RBMS3: variants seen among roughly 807,000 people sequenced by gnomAD.
RBMS3 encodes the protein RNA binding motif single stranded interacting protein 3.
In RBMS3, 27 loss-of-function variants were observed where a neutral mutation model predicts 66.8. The ratio of observed to expected loss-of-function variants is 0.40; its 90% confidence interval spans 0.30 to 0.56. RBMS3 has a LOEUF of 0.56. Ranked by LOEUF, RBMS3 falls within the 20% of genes least tolerant of loss-of-function variation. The probability of loss-of-function intolerance (pLI) is 0.40; values close to 1 mark genes in which losing one functional copy is unlikely to be tolerated. For missense variants in RBMS3, 513 were observed against 549.5 expected, an observed-to-expected ratio of 0.93 and a Z score of 0.66; for synonymous variants, 188 against 183.0, an observed-to-expected ratio of 1.03 and a Z score of -0.22.
chr3:29,573,255 G>GT (rs2047003191), intron 3 of RBMS3, among the ~76,000 whole-genome samples: 1 of 152,106 alleles, frequency 6.6e-6, no homozygotes, highest in African/African-American at 2.4e-5. Context: ...CGACTAGCTG[G>GT]GATTACAGGT....
At chr3:29,570,632 C>A (rs2046919737) in intron 3 of RBMS3, among the ~76,000 whole-genome samples, 1 of 152,108 alleles carries the variant, frequency 6.6e-6, no homozygotes, top group Admixed American at 6.6e-5. Context: ...CAGTTTCATC[C>A]ATGTTGTTGC....
At chr3:29,837,361 A>T (rs372188157) in intron 6 of RBMS3, among the ~76,000 whole-genome samples, 1 of 151,826 alleles carries the variant, frequency 6.6e-6, no homozygotes, top group Admixed American at 6.6e-5. Flanking sequence ...CCTGGGATTG[A>T]TATTTAATTT....
chr3:29,755,962 C>T (rs2149372967), intron 5 of RBMS3, among the ~76,000 whole-genome samples: 1 of 152,248 alleles, frequency 6.6e-6, no homozygotes, highest in Middle Eastern at 3.4e-3. Flanking sequence ...TTTTTCTTTT[C>T]TCCTAACTAT....
chr3:29,992,272 T>A (rs1698929624), intron 14 of RBMS3, among the ~76,000 whole-genome samples: 2 of 152,056 alleles, frequency 1.3e-5, no homozygotes, highest in South Asian at 4.1e-4. Context: ...CAAAAGTAAT[T>A]GCGGTTTTTG....
At chr3:29,369,490 AC>A (rs2038080658) in intron 1 of RBMS3, among the ~76,000 whole-genome samples, 5 of 12,502 alleles carry the variant, frequency 4.0e-4, no homozygotes, top group Middle Eastern at 0.071. Flanking sequence ...ACTCCTTAAC[AC>A]ACACACACAC....
chr3:29,584,251 A>T (rs1189298328), intron 3 of RBMS3, among the ~76,000 whole-genome samples: 1 of 152,060 alleles, frequency 6.6e-6, no homozygotes, highest in Non-Finnish European at 1.5e-5. Context: ...GATTTGAGAC[A>T]TCTGATTCCC....
At chr3:29,979,232 C>T (rs1697810116) in intron 12 of RBMS3, among the ~76,000 whole-genome samples, 1 of 152,130 alleles carries the variant, frequency 6.6e-6, no homozygotes, top group Non-Finnish European at 1.5e-5. Flanking sequence ...TATATTTCTC[C>T]ATCTGTAAAA....
At chr3:29,547,016 C>T (rs1374942426) in intron 3 of RBMS3, among the ~76,000 whole-genome samples, 1 of 152,138 alleles carries the variant, frequency 6.6e-6, no homozygotes, top group South Asian at 2.1e-4. Flanking sequence ...CCACTGGTCA[C>T]CCAGGCTGGA....
intron 6 of RBMS3, among the ~76,000 whole-genome samples, chr3:29,829,107 C>T (rs559608046): frequency 2.0e-5 from 3 of 151,756 alleles, no homozygotes; most frequent in Non-Finnish European, 4.4e-5. Flanking sequence ...TATAATGGCA[C>T]GATCTTGGCT....
At chr3:29,426,199 G>T (rs777548332) in intron 1 of RBMS3, among the ~76,000 whole-genome samples, 35 of 152,254 alleles carry the variant, frequency 2.3e-4, no homozygotes, top group Non-Finnish European at 4.6e-4. Flanking sequence ...TGTATTTAAA[G>T]AGATAAAAAA....
At chr3:29,864,628 G>T (rs2059299155) in intron 6 of RBMS3, among the ~76,000 whole-genome samples, 1 of 152,138 alleles carries the variant, frequency 6.6e-6, no homozygotes, top group Admixed American at 6.6e-5. Flanking sequence ...GGGTTTCACA[G>T]TTGGGAACTG....
At chr3:29,461,867 C>T (rs1308271146) in intron 2 of RBMS3, among the ~76,000 whole-genome samples, 1 of 151,494 alleles carries the variant, frequency 6.6e-6, no homozygotes, top group Non-Finnish European at 1.5e-5. Context: ...CATTCTCCTG[C>T]CTCAGCCTCC....
At chr3:29,374,070 A>T (rs2038343391) in intron 1 of RBMS3, among the ~76,000 whole-genome samples, 1 of 152,194 alleles carries the variant, frequency 6.6e-6, no homozygotes, top group Non-Finnish European at 1.5e-5. Context: ...GTGGGACAGC[A>T]ATGGGCTTGC....
At position 30,006,168 on chromosome 3, in the gene RBMS3, G is replaced by A. The variant is rs983966766; in HGVS notation, c.*2306G>A. The A allele has an allele frequency of 6.6e-6, 1 of 151,894 alleles. No individual in the cohort carries two copies. Among genetic ancestry groups the A allele is most frequent in the Non-Finnish European group, 1.5e-5 (1 of 67,828 alleles). 9.4% of individuals were successfully genotyped at this position (151,894 alleles called of 1,614,324 possible). The stretch of plus-strand genomic sequence containing the variant: ...AGGAGCCTGTCTTAGTCCAAAAGAA[G>A]CAGGGAAATGTATTTAAGTGTACTA... On this transcript the variant is annotated 3_prime_UTR_variant, in exon 15 of 15. Coordinates refer to ENST00000383767, the MANE Select transcript of RBMS3 (RefSeq NM_001003793.3).
intron 12 of RBMS3, among the ~76,000 whole-genome samples, chr3:29,984,414 C>T (rs557454855): frequency 3.9e-5 from 6 of 152,042 alleles, no homozygotes; most frequent in African/African-American, 1.4e-4. Context: ...CCACTTCTGT[C>T]AATTCATCAA....
intron 2 of RBMS3, among the ~76,000 whole-genome samples, chr3:29,477,035 T>G (rs2042970824): frequency 3.9e-5 from 6 of 152,210 alleles, no homozygotes; most frequent in Admixed American, 3.9e-4. Context: ...ATTAAAAAGC[T>G]TACAGCAGCT....
At chr3:29,516,596 C>T (rs973489014) in intron 3 of RBMS3, among the ~76,000 whole-genome samples, 1 of 151,972 alleles carries the variant, frequency 6.6e-6, no homozygotes, top group Admixed American at 6.6e-5. Flanking sequence ...GTGCATGCCA[C>T]CATGCCTAAG....
intron 10 of RBMS3, among the ~76,000 whole-genome samples, chr3:29,928,266 ATTG>A (rs1275851996): frequency 2.7e-5 from 4 of 148,694 alleles, no homozygotes; most frequent in Non-Finnish European, 4.5e-5. Context: ...ACATATACAT[ATTG>A]TTTTTAAGGT....
chr3:29,563,372 A>G (rs1266105381), intron 3 of RBMS3, among the ~76,000 whole-genome samples: 1 of 152,150 alleles, frequency 6.6e-6, no homozygotes, highest in African/African-American at 2.4e-5. Context: ...ACCTAAAATG[A>G]CTGTGACCAG....
Sources: allele counts gnomAD v4.1 joint callset (sites outside exome capture counted in the v4.1 genomes callset), GRCh38; gene constraint gnomAD v4.1.1; transcripts MANE v1.5; gene names NCBI Gene and HGNC (gene_info 2026-07-23, HGNC 2026-07-21).